ALPK2: variants seen among roughly 807,000 people sequenced by gnomAD.
The protein encoded by ALPK2 is alpha kinase 2.
Under a neutral mutation model 163.1 loss-of-function variants are expected in ALPK2, and 127 were observed. That is an observed-to-expected ratio of 0.78 (90% CI 0.67 to 0.90). The LOEUF is 0.90. Ranked by LOEUF, ALPK2 falls within the 40% of genes least tolerant of loss-of-function variation. ALPK2 has a pLI of 0.00. For synonymous variants in ALPK2, 953 were observed against 959.1 expected (o/e 0.99, Z 0.12); for missense variants, 2,360 against 2,589.6 (o/e 0.91, Z 1.92).
intron 4 of ALPK2, among the ~76,000 whole-genome samples, chr18:58,571,027 C>CT (rs935188007): frequency 4.6e-5 from 7 of 151,414 alleles, no homozygotes; most frequent in Admixed American, 6.6e-5. Flanking sequence ...TGACATCTTT[C>CT]TTTTTTTTTC....
intron 3 of ALPK2, among the ~76,000 whole-genome samples, chr18:58,594,407 C>A (rs985528980): frequency 1.3e-5 from 2 of 152,204 alleles, no homozygotes; most frequent in East Asian, 3.9e-4. Flanking sequence ...CCTAATAGGT[C>A]ACCAAGCGAG....
intron 5 of ALPK2, among the ~76,000 whole-genome samples, chr18:58,533,506 C>G (rs2144143047): frequency 6.7e-6 from 1 of 150,200 alleles, no homozygotes; most frequent in South Asian, 2.1e-4. Context: ...TGGAGTGCAG[C>G]TGGAGTGTGG....
intron 4 of ALPK2, among the ~76,000 whole-genome samples, chr18:58,547,727 TC>T (rs2051725243): frequency 1.3e-5 from 2 of 152,324 alleles, no homozygotes; most frequent in South Asian, 4.1e-4. Flanking sequence ...GCACATAATT[TC>T]CGGGGGGTTT....
rs148745487 is a variant in ALPK2, at chr18:58,492,952, G to A, written c.6296+5097C>T. 1.9e-3 allele frequency among the ~76,000 whole-genome samples: 290 copies of A among 152,242 alleles called. 1 individual carries two copies. The highest frequency in any genetic ancestry group is 6.4e-3 in the African/African-American group (267 of 41,532). On this transcript the variant is annotated intron_variant, in intron 12 of 12. Coordinates refer to ENST00000361673, the MANE Select transcript of ALPK2 (RefSeq NM_052947.4). ...TAGGGTCTGCCTTGCCAAAAACTGCGAAAATCACCACTGTTCCCTTCAGAC... is the reference window on the plus strand; with the variant it reads ...TAGGGTCTGCCTTGCCAAAAACTGCAAAAATCACCACTGTTCCCTTCAGAC...
Position 58,537,393 on chromosome 18 carries a change from G to A in ALPK2, c.2794C>T (p.Pro932Ser), listed in dbSNP as rs2144148566. ...AGCCCTCCTGAGTTGCTGGGGCTTG[G>A]CTGCTCCTGGCCAGCATGTACTGTG... ...ASTVHAGQEQ[P>S]SPSNSGGLDE... The change falls in exon 5 of 13, where the codon CCA (proline) becomes TCA (serine). Residue 932 changes from proline (P) to serine (S), a missense_variant. By Grantham distance (74) the Pro-to-Ser change is moderately conservative. Transcript: ENST00000361673. The A allele has an allele frequency of 2.5e-6, 4 of 1,613,822 alleles. No individual in the cohort carries two copies. The East Asian group carries it at 8.9e-5, about 36-fold the overall frequency.
intron 4 of ALPK2, among the ~76,000 whole-genome samples, chr18:58,559,017 A>G (rs908197521): frequency 1.3e-5 from 2 of 152,256 alleles, no homozygotes; most frequent in Non-Finnish European, 2.9e-5. Flanking sequence ...GGTTGGTTGC[A>G]CAATTTGTGA....
intron 1 of ALPK2, among the ~76,000 whole-genome samples, chr18:58,617,060 C>T (rs1469398022): frequency 1.3e-5 from 2 of 152,174 alleles, no homozygotes; most frequent in Non-Finnish European, 2.9e-5. Flanking sequence ...ACTTTGGTCA[C>T]GGAAGTCTTC....
At chr18:58,531,553 T>TA (rs1440856834) in intron 5 of ALPK2, among the ~76,000 whole-genome samples, 2 of 129,772 alleles carry the variant, frequency 1.5e-5, no homozygotes, top group Admixed American at 1.7e-4. Context: ...GAAAACAAAA[T>TA]AAAAAACCTT....
Position 58,537,591 on chromosome 18 carries a change from T to C in ALPK2, c.2596A>G (p.Thr866Ala), listed in dbSNP as rs1277602219. The C allele has an allele frequency of 1.2e-6, 2 of 1,613,756 alleles. No homozygotes were observed. Among genetic ancestry groups the C allele is most frequent in the Non-Finnish European group, 1.7e-6 (2 of 1,179,750 alleles). ...GACACTGAAGTCTCAGACACTTGTG[T>C]CTGAAAAAAGACTTCCAGTGTCTTG... ...NDKTLEVFFQ[T>A]QVSETSVSTC... Residue 866 changes from threonine (T) to alanine (A), a missense_variant, in exon 5 of 13, where the codon ACA becomes GCA. Thr to Ala is a moderately conservative substitution (Grantham distance 58). Coordinates refer to ENST00000361673, the MANE Select transcript of ALPK2 (RefSeq NM_052947.4).
At position 58,529,103 on chromosome 18, in the gene ALPK2, T is replaced by C. The variant is rs1422798272; in HGVS notation, c.5489A>G (p.Gln1830Arg). The change falls in exon 6 of 13, where the codon CAA (glutamine) becomes CGA (arginine). Residue 1830 changes from glutamine (Q) to arginine (R), a missense_variant. Physicochemically the swap from Gln to Arg is conservative, Grantham distance 43. Coordinates refer to ENST00000361673, the MANE Select transcript of ALPK2 (RefSeq NM_052947.4). ...CWTKDSKSIAQVQRSAGDNST... is the reference protein window; with the variant it reads ...CWTKDSKSIARVQRSAGDNST... ...AAAAACATCGCACCTTCTCTGCACTTGGGCTATGGACTTTGAATCTTTTGT... is the reference window on the plus strand; with the variant it reads ...AAAAACATCGCACCTTCTCTGCACTCGGGCTATGGACTTTGAATCTTTTGT... The C allele has an allele frequency of 6.2e-7, 1 of 1,614,136 alleles. No homozygotes were observed. The highest frequency in any genetic ancestry group is 8.5e-7 in the Non-Finnish European group (1 of 1,179,964).
At chr18:58,489,800 A>G (rs2051363136) in intron 12 of ALPK2, among the ~76,000 whole-genome samples, 1 of 152,044 alleles carries the variant, frequency 6.6e-6, no homozygotes, top group East Asian at 1.9e-4. Context: ...CTGGCCGGGC[A>G]TGGTGGCTTA....
intron 8 of ALPK2, among the ~76,000 whole-genome samples, chr18:58,521,627 C>CTTTTTTTTTTTTTTTT (rs398033036): frequency 0.012 from 688 of 55,368 alleles, 102 homozygotes; most frequent in Non-Finnish European, 0.019. Flanking sequence ...TTCTCTCTCT[C>CTTTTTTTTTTTTTTTT]TTTTTTTTTT....
At chr18:58,495,726 C>A (rs2051398164) in intron 12 of ALPK2, among the ~76,000 whole-genome samples, 1 of 152,190 alleles carries the variant, frequency 6.6e-6, no homozygotes, top group Non-Finnish European at 1.5e-5. Flanking sequence ...TGGTGTCAGG[C>A]TAAGACATGA....
At position 58,546,387 on chromosome 18, in the gene ALPK2, G is replaced by A. The variant is rs543140466; in HGVS notation, c.1963-8163C>T. Among the ~76,000 whole-genome samples the A allele has an allele frequency of 4.0e-4, 61 of 152,248 alleles. No individual in the cohort carries two copies. In the East Asian group the frequency reaches 6.6e-3, roughly 16 times the overall value. ...CACACCCTTCCTAGGAGCTCTGTGA[G>A]TTCAGTGGGAGTCTTTGCCTGGTGA... On this transcript the variant is annotated intron_variant, in intron 4 of 12. Transcript: ENST00000361673.
At position 58,535,154 on chromosome 18, in the gene ALPK2, A is replaced by G. The variant is rs1339996870; in HGVS notation, c.5033T>C (p.Leu1678Pro). The G allele has an allele frequency of 1.2e-6, 2 of 1,614,050 alleles. No homozygotes were observed. Among genetic ancestry groups the G allele is most frequent in the Middle Eastern group, 3.3e-4 (2 of 6,062 alleles). The change falls in exon 5 of 13, where the codon CTG becomes CCG. Residue 1678 changes from leucine to proline, a missense_variant. Transcript: ENST00000361673. Reference protein sequence around the residue: ...LLQDPCQKGTLGCAKKSRERE... With the variant: ...LLQDPCQKGTPGCAKKSRERE... ...CTCCCTGGACTTTTTCGCACAGCCC[A>G]GGGTGCCCTTTTGACATGGATCCTG...
intron 8 of ALPK2, among the ~76,000 whole-genome samples, chr18:58,519,789 T>A (rs186597990): frequency 6.6e-6 from 1 of 152,202 alleles, no homozygotes; most frequent in Non-Finnish European, 1.5e-5. Context: ...AGGTATAGAC[T>A]CTGTAGCTCT....
At chr18:58,488,965 A>G (rs2051356107) in intron 12 of ALPK2, among the ~76,000 whole-genome samples, 3 of 152,188 alleles carry the variant, frequency 2.0e-5, no homozygotes. Context: ...TTGATCAGGT[A>G]TCAGCTGTGT....
At chr18:58,490,492 G>T (rs1251903410) in intron 12 of ALPK2, among the ~76,000 whole-genome samples, 1 of 151,796 alleles carries the variant, frequency 6.6e-6, no homozygotes, top group African/African-American at 2.4e-5. Context: ...CCCTCCCCTT[G>T]GTTCCTGGCA....
Position 58,514,995 on chromosome 18 carries a change from A to G in ALPK2, c.6027T>C (p.Pro2009=), listed in dbSNP as rs1359022825. The change falls in exon 10 of 13, where the codon CCT becomes CCC. Residue 2009 remains proline, a splice_region_variant and synonymous_variant. Transcript: ENST00000361673. ...CAAGGCAGGGTAAACACACTTACTC[A>G]GGTACTTCTCCAAAGCCTTCCAGAG... ...AQPLEGFGEV[P]EIIPIFLIHR... is the part of the protein sequence containing the mutation. 1 of 1,611,222 alleles carries G rather than the reference A, an allele frequency of 6.2e-7. No homozygotes were observed. Among genetic ancestry groups the G allele is most frequent in the Non-Finnish European group, 8.5e-7 (1 of 1,178,374 alleles).
Sources: gnomAD v4.1 joint callset for allele counts (sites outside exome capture counted in the v4.1 genomes callset) on GRCh38, gnomAD v4.1.1 for gene constraint, MANE v1.5 for transcripts, NCBI Gene and HGNC (gene_info 2026-07-23, HGNC 2026-07-21) for gene names.